NEURL1B: variants seen among roughly 807,000 people sequenced by gnomAD.
The protein encoded by NEURL1B is neuralized E3 ubiquitin protein ligase 1B, also known as E3 ubiquitin-protein ligase NEURL1B.
A neutral mutation model predicts 37.4 loss-of-function variants in NEURL1B; 13 were observed. The observed-to-expected ratio is 0.35, with a 90% CI of 0.23 to 0.55. NEURL1B has a LOEUF of 0.55. NEURL1B is among the 20% of genes least tolerant of loss of function. NEURL1B has a pLI of 0.89. For synonymous variants in NEURL1B, 432 were observed against 426.6 expected (o/e 1.01, Z -0.16); for missense variants, 790 against 879.2 (o/e 0.90, Z 1.28).
chr5:172,671,478 A>C lies in NEURL1B; in HGVS notation c.577+1148A>C, dbSNP rs1341177310. The stretch of plus-strand genomic sequence containing the variant: ...CTGAGTCAAGCCTTCTCTTCTCCAG[A>C]GGTAGCCACTGTTCTGATTTTTCAC... On this transcript the variant is annotated intron_variant, in intron 2 of 4. Transcript: ENST00000369800. 3.3e-5 allele frequency among the ~76,000 whole-genome samples: 5 copies of C among 152,304 alleles called. No homozygotes were observed. In the East Asian group the frequency reaches 7.7e-4, roughly 23 times the overall value.
intron 1 of NEURL1B, among the ~76,000 whole-genome samples, chr5:172,644,061 G>A (rs1408677015): frequency 6.6e-6 from 1 of 152,026 alleles, no homozygotes; most frequent in East Asian, 1.9e-4. Context: ...GTCACTATGC[G>A]ACACGCTGTA....
intron 2 of NEURL1B, among the ~76,000 whole-genome samples, chr5:172,678,438 G>A (rs1237722376): frequency 2.0e-5 from 3 of 152,104 alleles, no homozygotes; most frequent in African/African-American, 7.2e-5. Flanking sequence ...TACATCTGAG[G>A]GGCATCCCAC....
chr5:172,683,535 A>G lies in NEURL1B; in HGVS notation c.694A>G (p.Asn232Asp). ...CTTCGACAACAACGAGCTCGAGAACAACCAGGTGGTGGCCAAGCTGGGCCA... is the reference window on the plus strand; with the variant it reads ...CTTCGACAACAACGAGCTCGAGAACGACCAGGTGGTGGCCAAGCTGGGCCA... ...ANFDNNELENNQVVAKLGHLA... is the reference protein window; with the variant it reads ...ANFDNNELENDQVVAKLGHLA... Residue 232 changes from asparagine to aspartate, a missense_variant, in exon 3 of 5, where the codon AAC becomes GAC. This residue lies in a region of NEURL1B where 460 missense variants were observed against 407.4 expected (regional missense o/e 1.13). Transcript: ENST00000369800. This position sits in a 1 kb window ranked among gnomAD's most constrained non-coding sequence, Gnocchi z 5.6. 6.7e-7 allele frequency: 1 copy of G among 1,492,640 alleles called. No homozygotes were observed. Among genetic ancestry groups the G allele is most frequent in the East Asian group, 2.8e-5 (1 of 36,220 alleles). 92.5% of individuals were successfully genotyped at this position (1,492,640 alleles called of 1,614,324 possible).
rs544760750 is a variant in NEURL1B, at chr5:172,663,736, G to C, written c.32-6049G>C. On this transcript the variant is annotated intron_variant, in intron 1 of 4. Transcript: ENST00000369800. Reference sequence around the variant, plus strand: ...TGGGGCCAGCACCCACCCAAGGCCAGCAGGGCCTTGGTCTTTCATGGGAGG... The same window carrying C: ...TGGGGCCAGCACCCACCCAAGGCCACCAGGGCCTTGGTCTTTCATGGGAGG... Among the ~76,000 whole-genome samples, 320 of 151,594 alleles carry C rather than the reference G, an allele frequency of 2.1e-3. 4 individuals are homozygous for C. Among genetic ancestry groups the C allele is most frequent in the African/African-American group, 7.4e-3 (307 of 41,362 alleles).
Position 172,686,328 on chromosome 5 carries a change from G to A in NEURL1B, c.1423+32G>A, listed in dbSNP as rs1159067198. 2.6e-6 allele frequency: 4 copies of A among 1,548,830 alleles called. No homozygotes were observed. The South Asian group carries it at 4.8e-5, about 18-fold the overall frequency. Reference sequence around the variant, plus strand: ...AAATGCAAACCCTGGCAGGGGCAGGGGCTGGCGGCTGGCCTGGCTCCTCCG... The same window carrying A: ...AAATGCAAACCCTGGCAGGGGCAGGAGCTGGCGGCTGGCCTGGCTCCTCCG... On this transcript the variant is annotated intron_variant, in intron 4 of 4. Coordinates refer to ENST00000369800, the MANE Select transcript of NEURL1B (RefSeq NM_001142651.3). The surrounding 1 kb of genome is among the most constrained non-coding windows in gnomAD (Gnocchi z 7.9).
Position 172,670,198 on chromosome 5 carries a change from G to A in NEURL1B, c.445G>A (p.Asp149Asn). 2.1e-6 allele frequency: 3 copies of A among 1,461,856 alleles called. No homozygotes were observed. The highest frequency in any genetic ancestry group is 2.6e-5 in the Admixed American group (1 of 38,442). The allele number at this position is 1,461,856 out of a possible 1,614,324, so 90.6% of individuals were successfully genotyped here. The change falls in exon 2 of 5, where the codon GAC (aspartate) becomes AAC (asparagine). Residue 149 changes from aspartate to asparagine, a missense_variant. This residue lies in a region of NEURL1B where 215 missense variants were observed against 309.2 expected (regional missense o/e 0.70). Coordinates refer to ENST00000369800, the MANE Select transcript of NEURL1B (RefSeq NM_001142651.3). ...CGACACGGTGCTGGCCTACTGGGCC[G>A]ACCGCCACGGCCGCGTGTTCTACAG... ...LRDTVLAYWA[D>N]RHGRVFYSVN... is the part of the protein sequence containing the mutation.
intron 1 of NEURL1B, among the ~76,000 whole-genome samples, chr5:172,651,922 T>G (rs1249439438): frequency 1.3e-5 from 2 of 152,180 alleles, no homozygotes; most frequent in Non-Finnish European, 2.9e-5. Context: ...GTTGATGAAA[T>G]GCCAGGGTGA....
rs1435609068 is a variant in NEURL1B, at chr5:172,684,063, T to C, written c.1222T>C (p.Cys408Arg). 2 of 1,323,944 alleles carry C rather than the reference T, an allele frequency of 1.5e-6. No individual in the cohort carries two copies. Among genetic ancestry groups the C allele is most frequent in the African/African-American group, 1.6e-5 (1 of 64,396 alleles). The allele number at this position is 1,323,944 out of a possible 1,614,324, so 82.0% of individuals were successfully genotyped here. ...INGRPRGRLL[C>R]VDTTQALWAF... ...CGGGCGTCCGCGCGGCCGCCTGCTG[T>C]GCGTCGACACCACGCAGGCGCTCTG... The change falls in exon 3 of 5, where the codon TGC (cysteine) becomes CGC (arginine). Residue 408 changes from cysteine to arginine, a missense_variant. Cys to Arg is a radical substitution (Grantham distance 180). This residue lies in a region of NEURL1B where 460 missense variants were observed against 407.4 expected (regional missense o/e 1.13). Coordinates refer to ENST00000369800, the MANE Select transcript of NEURL1B (RefSeq NM_001142651.3).
intron 2 of NEURL1B, among the ~76,000 whole-genome samples, chr5:172,681,711 G>A (rs917649960): frequency 2.0e-5 from 3 of 152,250 alleles, no homozygotes; most frequent in African/African-American, 4.8e-5. Context: ...GTCTGAGGGG[G>A]TGCATTTGGA....
In NEURL1B at chr5:172,683,443, C is replaced by A; in HGVS notation, c.602C>A (p.Thr201Lys). The A allele has an allele frequency of 1.4e-6, 2 of 1,447,902 alleles. No individual in the cohort carries two copies. Among genetic ancestry groups the A allele is most frequent in the Non-Finnish European group, 9.1e-7 (1 of 1,101,760 alleles). The allele number at this position is 1,447,902 out of a possible 1,614,324, so 89.7% of individuals were successfully genotyped here. The part of the protein sequence containing the change: ...LLESAFADTL[T>K]PARLSQARFS... ...GAGAGCGCCTTCGCTGACACGCTGA[C>A]GCCCGCGCGCCTCAGCCAGGCCCGC... is the stretch of plus-strand genomic sequence containing the variant. The change falls in exon 3 of 5, where the codon ACG becomes AAG. Residue 201 changes from threonine to lysine, a missense_variant. This residue lies in a region of NEURL1B where 460 missense variants were observed against 407.4 expected (regional missense o/e 1.13). Coordinates refer to ENST00000369800, the MANE Select transcript of NEURL1B (RefSeq NM_001142651.3). This position sits in a 1 kb window ranked among gnomAD's most constrained non-coding sequence, Gnocchi z 5.6.
intron 2 of NEURL1B, among the ~76,000 whole-genome samples, chr5:172,673,333 C>T (rs1357814424): frequency 2.6e-5 from 4 of 152,112 alleles, no homozygotes; most frequent in African/African-American, 7.2e-5. Context: ...CATAAAGAGA[C>T]AGCCAGTTTC....
intron 1 of NEURL1B, among the ~76,000 whole-genome samples, chr5:172,649,345 CTTTTTTTTTTTTTTTTTTTT>C (rs70984904): frequency 6.1e-5 from 4 of 65,160 alleles, no homozygotes; most frequent in African/African-American, 6.7e-5. Context: ...CCCTTCACTT[CTTTTTTTTTTTTTTTTTTTT>C]TTTTTTTTTT....
At chr5:172,656,831 TC>T in intron 1 of NEURL1B, 1 of 620,342 alleles carries the variant, frequency 1.6e-6, no homozygotes, top group Non-Finnish European at 2.9e-6. Flanking sequence ...CGCCATGTCC[TC>T]ATCTTTAGGA....
At chr5:172,677,709 G>A (rs1758257657) in intron 2 of NEURL1B, among the ~76,000 whole-genome samples, 1 of 151,994 alleles carries the variant, frequency 6.6e-6, no homozygotes, top group Admixed American at 6.5e-5. Flanking sequence ...CTCTGCTCCT[G>A]TCCCCTCCTG....
At chr5:172,664,807 C>T (rs930841338) in intron 1 of NEURL1B, among the ~76,000 whole-genome samples, 3 of 152,192 alleles carry the variant, frequency 2.0e-5, no homozygotes, top group Non-Finnish European at 2.9e-5. Flanking sequence ...CTTTATCTCA[C>T]GTCAGCGCTG....
intron 1 of NEURL1B, among the ~76,000 whole-genome samples, chr5:172,644,659 A>G (rs939588072): frequency 3.3e-5 from 5 of 152,200 alleles, no homozygotes; most frequent in African/African-American, 4.8e-5. Context: ...TCAACCCTGC[A>G]AAGTAAGGTG....
intron 2 of NEURL1B, among the ~76,000 whole-genome samples, chr5:172,677,188 C>T (rs549639695): frequency 2.0e-5 from 3 of 152,136 alleles, no homozygotes; most frequent in East Asian, 3.9e-4. Context: ...ATTAGCTTTG[C>T]GGTTAATGTT....
chr5:172,642,304 C>A (rs1362178622), intron 1 of NEURL1B, among the ~76,000 whole-genome samples: 2 of 152,210 alleles, frequency 1.3e-5, no homozygotes, highest in Admixed American at 6.5e-5. Flanking sequence ...CACCCAAGGT[C>A]ACACAGCTAG....
rs1007918694 is a variant in NEURL1B at position 172,670,065 on chromosome 5, C to T, written c.312C>T (p.His104=). The change falls in exon 2 of 5, where the codon CAC becomes CAT. Residue 104 remains histidine (H), a synonymous_variant. Coordinates refer to ENST00000369800, the MANE Select transcript of NEURL1B (RefSeq NM_001142651.3). Reference sequence around the variant, plus strand: ...CGCTGCGCTTCGGCTTCACCGCGCACGATCCGTCGCTCATGAGCGCCCAGG... The same window carrying T: ...CGCTGCGCTTCGGCTTCACCGCGCATGATCCGTCGCTCATGAGCGCCCAGG... ...SGALRFGFTA[H]DPSLMSAQDI... 2 of 1,521,918 alleles carry T rather than the reference C, an allele frequency of 1.3e-6. No homozygotes were observed. Among genetic ancestry groups the T allele is most frequent in the Non-Finnish European group, 8.8e-7 (1 of 1,140,742 alleles). 94.3% of individuals were successfully genotyped at this position (1,521,918 alleles called of 1,614,324 possible).
Sources: allele counts gnomAD v4.1 joint callset (sites outside exome capture counted in the v4.1 genomes callset), GRCh38; gene constraint gnomAD v4.1.1; regional missense constraint gnomAD v4.1.1; non-coding constraint Gnocchi (gnomAD v3.1); transcripts MANE v1.5; gene names NCBI Gene and HGNC (gene_info 2026-07-23, HGNC 2026-07-21).